ANAPC7: variants seen among roughly 807,000 people sequenced by gnomAD.
The protein encoded by ANAPC7 is anaphase promoting complex subunit 7.
Under a neutral mutation model 63.3 loss-of-function variants are expected in ANAPC7, and 25 were observed. That is an observed-to-expected ratio of 0.39 (90% CI 0.29 to 0.55). The LOEUF (loss-of-function observed/expected upper bound fraction) is 0.55. Ranked by LOEUF, ANAPC7 falls within the 20% of genes least tolerant of loss-of-function variation. The pLI is 0.57. For synonymous variants in ANAPC7, 241 were observed against 251.7 expected (o/e 0.96, Z 0.40); for missense variants, 516 against 691.7 (o/e 0.75, Z 2.85).
intron 2 of ANAPC7, among the ~76,000 whole-genome samples, chr12:110,395,603 T>C (rs1186789612): frequency 6.6e-6 from 1 of 152,028 alleles, no homozygotes; most frequent in East Asian, 1.9e-4. Context: ...TCTTCTTTTT[T>C]TTTTTTTGAG....
chr12:110,395,732 G>A (rs895598964), intron 2 of ANAPC7, among the ~76,000 whole-genome samples: 6 of 152,006 alleles, frequency 3.9e-5, no homozygotes, highest in Non-Finnish European at 7.4e-5. Flanking sequence ...TAGAGACGGC[G>A]TTTCACCGTG....
At chr12:110,386,543 G>A (rs1592909402) in intron 5 of ANAPC7, 74 bp from the exon 6 acceptor site, 7 of 1,255,008 alleles carry the variant, frequency 5.6e-6, no homozygotes, top group Middle Eastern at 2.0e-4. Context: ...CTGGATGATT[G>A]GTCATACAGA....
intron 3 of ANAPC7, among the ~76,000 whole-genome samples, chr12:110,394,801 A>G (rs1437808439): frequency 1.3e-5 from 2 of 152,032 alleles, no homozygotes; most frequent in Admixed American, 6.6e-5. Flanking sequence ...AGCCAGGATC[A>G]CAACACTGTA....
At chr12:110,396,164 G>A (rs1883557353) in intron 2 of ANAPC7, 102 bp downstream of exon 2, 4 of 1,046,222 alleles carry the variant, frequency 3.8e-6, no homozygotes, top group Admixed American at 2.4e-5. Context: ...GTGCAGCCTG[G>A]TTCCTAACAG....
chr12:110,382,461 A>AAAAAAT (rs1555289541), intron 7 of ANAPC7, among the ~76,000 whole-genome samples: 5 of 30,858 alleles, frequency 1.6e-4, no homozygotes, highest in Non-Finnish European at 2.4e-4. Flanking sequence ...AAAAAAAAAA[A>AAAAAAT]ATATATATAT....
chr12:110,403,478 C>T lies in ANAPC7; in HGVS notation c.101+49G>A, dbSNP rs1341491606. On this transcript the variant is annotated intron_variant, in intron 1 of 10. Coordinates refer to ENST00000455511, the MANE Select transcript of ANAPC7 (RefSeq NM_016238.3). Reference sequence around the variant, plus strand: ...CGTGCCCTGAGCCCCCGCTCCCAGACCGCCGCCGCTTTCTCCTCAGCCCCA... The same window carrying T: ...CGTGCCCTGAGCCCCCGCTCCCAGATCGCCGCCGCTTTCTCCTCAGCCCCA... 1.9e-6 allele frequency: 3 copies of T among 1,540,016 alleles called. No homozygotes were observed. The Admixed American group carries it at 5.9e-5, about 30-fold the overall frequency.
intron 7 of ANAPC7, among the ~76,000 whole-genome samples, chr12:110,382,452 AAAAAAAAAAATATATATAT>A (rs1158034966): frequency 3.0e-4 from 29 of 97,960 alleles, no homozygotes; most frequent in Non-Finnish European, 4.5e-4. Flanking sequence ...AAAAAAAAAA[AAAAAAAAAAATATATATAT>A]ATATATATAT....
intron 1 of ANAPC7, among the ~76,000 whole-genome samples, chr12:110,396,842 T>C (rs1403890908): frequency 6.6e-6 from 1 of 151,772 alleles, no homozygotes; most frequent in African/African-American, 2.4e-5. Context: ...GTCTGAGATA[T>C]ATCTATCCAT....
In ANAPC7 at chr12:110,388,033, T is replaced by C. The variant is rs973870691; in HGVS notation, c.521-141A>G. 7.8e-6 allele frequency: 7 copies of C among 894,474 alleles called. 1 individual carries two copies. In the African/African-American group the frequency reaches 1.0e-4, roughly 13 times the overall value. The allele number at this position is 894,474 out of a possible 1,614,324, so 55.4% of individuals were successfully genotyped here. On this transcript the variant is annotated intron_variant, in intron 4 of 10. Coordinates refer to ENST00000455511, the MANE Select transcript of ANAPC7 (RefSeq NM_016238.3). ...GCGATGCATGAGAGAAAAACCATAA[T>C]TTAGTATTTCTTTTCTTTTTGAGAC...
chr12:110,382,454 AAAAAAAAATATAT>A lies in ANAPC7; in HGVS notation c.935+376_935+388del, dbSNP rs1260559019. Among the ~76,000 whole-genome samples the A allele has an allele frequency of 3.0e-3, 279 of 93,624 alleles. 1 individual carries two copies. Among genetic ancestry groups the A allele is most frequent in the African/African-American group, 9.9e-3 (235 of 23,812 alleles). 61.4% of individuals were successfully genotyped at this position (93,624 alleles called of 152,430 possible). A position where few individuals can be genotyped will look rare whatever the true frequency, so the allele number is the denominator to read the frequency against. ...TGATTATCCTTTTAAAAAAAAAAAA[AAAAAAAAATATAT>A]ATATATATATATATATATATATATA... On this transcript the variant is annotated intron_variant, in intron 7 of 10. Transcript: ENST00000455511.
At chr12:110,388,682 AC>A in intron 3 of ANAPC7, 59 bp from the exon 4 acceptor site, 1 of 1,300,064 alleles carries the variant, frequency 7.7e-7, no homozygotes, top group Non-Finnish European at 1.1e-6. Flanking sequence ...AAAATCTCTC[AC>A]CATGAAAAAG....
intron 8 of ANAPC7, chr12:110,378,702 T>C (rs55913108): frequency 0.15 from 22,442 of 151,982 alleles, 2,333 homozygotes; most frequent in African/African-American, 0.3. Flanking sequence ...TGGCACAAAG[T>C]GCTCATCAAA....
At position 110,377,629 on chromosome 12, in the gene ANAPC7, A is replaced by G. The variant is rs1413112008; in HGVS notation, c.1133-12T>C. 6.2e-7 allele frequency: 1 copy of G among 1,614,166 alleles called. No individual in the cohort carries two copies. The highest frequency in any genetic ancestry group is 2.2e-5 in the East Asian group (1 of 44,888). The stretch of plus-strand genomic sequence containing the variant: ...ACATTCGATAAGACCTGAAAAAAGT[A>G]AAACACGTGAAGACATTCAATGCCA... On this transcript the variant is annotated splice_polypyrimidine_tract_variant and intron_variant, in intron 8 of 10. Coordinates refer to ENST00000455511, the MANE Select transcript of ANAPC7 (RefSeq NM_016238.3).
At position 110,373,171 on chromosome 12, in the gene ANAPC7, A is replaced by G. The variant is rs537029211; in HGVS notation, c.*973T>C. On this transcript the variant is annotated 3_prime_UTR_variant, in exon 11 of 11. Coordinates refer to ENST00000455511, the MANE Select transcript of ANAPC7 (RefSeq NM_016238.3). Reference sequence around the variant, plus strand: ...CCCCAGAGCTCAGGGTGTGATACTCAGGCTGACCAGTGACAGACTGCTGGA... The same window carrying G: ...CCCCAGAGCTCAGGGTGTGATACTCGGGCTGACCAGTGACAGACTGCTGGA... 4.6e-5 allele frequency: 7 copies of G among 152,282 alleles called. No homozygotes were observed. The South Asian group carries it at 1.2e-3, about 27-fold the overall frequency. 9.4% of individuals were successfully genotyped at this position (152,282 alleles called of 1,614,324 possible).
At chr12:110,381,688 T>G in intron 8 of ANAPC7, 64 bp downstream of exon 8, 1 of 1,523,398 alleles carries the variant, frequency 6.6e-7, no homozygotes, top group Non-Finnish European at 8.9e-7. Flanking sequence ...TAATGAAACC[T>G]TCCATCTGAG....
chr12:110,392,141 T>C (rs1883157107), intron 3 of ANAPC7, among the ~76,000 whole-genome samples: 1 of 149,840 alleles, frequency 6.7e-6, no homozygotes, highest in Non-Finnish European at 1.5e-5. Context: ...GGAAGATACC[T>C]TGAGCATTGC....
At chr12:110,385,090 C>A (rs933597503) in intron 6 of ANAPC7, among the ~76,000 whole-genome samples, 2 of 152,004 alleles carry the variant, frequency 1.3e-5, no homozygotes, top group Non-Finnish European at 1.5e-5. Flanking sequence ...ATGGTGAAAC[C>A]CCCGTCTCTT....
intron 1 of ANAPC7, among the ~76,000 whole-genome samples, chr12:110,401,781 C>T (rs1367353790): frequency 6.6e-6 from 1 of 151,496 alleles, no homozygotes; most frequent in African/African-American, 2.4e-5. Flanking sequence ...GTCAGGAGAT[C>T]GAGACCATCG....
intron 1 of ANAPC7, among the ~76,000 whole-genome samples, chr12:110,401,086 T>C (rs1156709715): frequency 6.6e-6 from 1 of 152,064 alleles, no homozygotes; most frequent in Non-Finnish European, 1.5e-5. Context: ...AGTGCACTAA[T>C]GAAAATCCAA....
Sources: gnomAD v4.1 joint callset for allele counts (sites outside exome capture counted in the v4.1 genomes callset) on GRCh38, gnomAD v4.1.1 for gene constraint, MANE v1.5 for transcripts, NCBI Gene and HGNC (gene_info 2026-07-23, HGNC 2026-07-21) for gene names.